MSRB3: variants seen among roughly 807,000 people sequenced by gnomAD.
The protein encoded by MSRB3 is methionine sulfoxide reductase B3.
In MSRB3, 13 loss-of-function variants were observed where a neutral mutation model predicts 21.0. That is an observed-to-expected ratio of 0.62 (90% CI 0.40 to 0.98). The LOEUF (loss-of-function observed/expected upper bound fraction) is 0.98. Ranked by LOEUF, MSRB3 falls within the 50% of genes least tolerant of loss-of-function variation. The pLI, the probability that MSRB3 is intolerant of heterozygous loss-of-function variation, is 0.00. For synonymous variants in MSRB3, 87 were observed against 88.6 expected (o/e 0.98, Z 0.10); for missense variants, 199 against 230.3 (o/e 0.86, Z 0.88).
rs568957907 is a variant in MSRB3, at chr12:65,385,588, A to G, written c.292+16562A>G. 2.0e-5 allele frequency among the ~76,000 whole-genome samples: 3 copies of G among 152,156 alleles called. No individual in the cohort carries two copies. The East Asian group carries it at 5.8e-4, about 29-fold the overall frequency. On this transcript the variant is annotated intron_variant, in intron 5 of 6. Coordinates refer to ENST00000308259, the MANE Select transcript of MSRB3 (RefSeq NM_001031679.3). Reference sequence around the variant, plus strand: ...ATTATTTCTAAATTTAAACTCCCACAAAATTAAATAAAATAGCTTTCTTTA... The same window carrying G: ...ATTATTTCTAAATTTAAACTCCCACGAAATTAAATAAAATAGCTTTCTTTA...
chr12:65,361,659 T>C (rs553585930), intron 4 of MSRB3, among the ~76,000 whole-genome samples: 1 of 152,342 alleles, frequency 6.6e-6, no homozygotes, highest in African/African-American at 2.4e-5. Flanking sequence ...TTATTCCTTC[T>C]TGATATTGGC....
chr12:65,360,803 C>T (rs1011018170), intron 4 of MSRB3, among the ~76,000 whole-genome samples: 1 of 152,168 alleles, frequency 6.6e-6, no homozygotes, highest in Non-Finnish European at 1.5e-5. Flanking sequence ...TCTTACTGCA[C>T]TATGCACTCA....
intron 5 of MSRB3, among the ~76,000 whole-genome samples, chr12:65,409,081 T>C (rs1880575496): frequency 6.6e-6 from 1 of 152,012 alleles, no homozygotes. Context: ...TTGCTCACAC[T>C]GAACCTCCAG....
chr12:65,326,983 C>G (rs749253196), intron 3 of MSRB3, 49 bp downstream of exon 3: 5 of 1,374,988 alleles, frequency 3.6e-6, no homozygotes, highest in East Asian at 2.3e-5. Context: ...TTTCTTCTCC[C>G]CCTGCCCTCT....
At chr12:65,331,248 G>T (rs951186543) in intron 4 of MSRB3, among the ~76,000 whole-genome samples, 1 of 152,198 alleles carries the variant, frequency 6.6e-6, no homozygotes, top group African/African-American at 2.4e-5. Flanking sequence ...ATTTTGAACA[G>T]TAAGGTTTAC....
intron 4 of MSRB3, among the ~76,000 whole-genome samples, chr12:65,367,781 A>G (rs888284692): frequency 1.3e-5 from 2 of 152,212 alleles, no homozygotes; most frequent in Non-Finnish European, 2.9e-5. Context: ...GGACTATGGT[A>G]GGGCCAGGAC....
chr12:65,335,856 C>T (rs1005103224), intron 4 of MSRB3, among the ~76,000 whole-genome samples: 11 of 152,132 alleles, frequency 7.2e-5, no homozygotes, highest in Non-Finnish European at 1.3e-4. Context: ...TAACCTCTAA[C>T]GAAGTACATT....
intron 1 of MSRB3, among the ~76,000 whole-genome samples, chr12:65,291,166 A>C (rs1479023752): frequency 6.6e-6 from 1 of 151,692 alleles, no homozygotes; most frequent in Non-Finnish European, 1.5e-5. Flanking sequence ...GCTCACTGCA[A>C]TCTTTGCCTC....
At chr12:65,459,114 AT>A (rs1883212641) in intron 6 of MSRB3, among the ~76,000 whole-genome samples, 1 of 59,770 alleles carries the variant, frequency 1.7e-5, no homozygotes, top group African/African-American at 4.7e-5. Flanking sequence ...TTTTTGTAAT[AT>A]TTTTTTAAGG....
At chr12:65,374,579 C>G (rs1163075555) in intron 5 of MSRB3, among the ~76,000 whole-genome samples, 1 of 152,166 alleles carries the variant, frequency 6.6e-6, no homozygotes, top group Non-Finnish European at 1.5e-5. Context: ...ATTCACCTTT[C>G]TTTACTGTAT....
At chr12:65,424,987 A>ATATC (rs1555212473) in intron 5 of MSRB3, among the ~76,000 whole-genome samples, 1 of 96 alleles carries the variant, frequency 0.01, no homozygotes, top group Non-Finnish European at 0.083. Flanking sequence ...ATATATATAT[A>ATATC]TATCTCAATA....
chr12:65,304,152 G>A (rs1873508083), intron 1 of MSRB3, among the ~76,000 whole-genome samples: 2 of 152,134 alleles, frequency 1.3e-5, no homozygotes, highest in African/African-American at 2.4e-5. Context: ...CAATTGAGAC[G>A]AAGTTAAGCA....
chr12:65,281,594 C>G (rs924100075), intron 1 of MSRB3: 2 of 152,230 alleles, frequency 1.3e-5, no homozygotes, highest in Non-Finnish European at 2.9e-5. Context: ...AAGCTTCTAT[C>G]ACTTTTTCTT....
chr12:65,370,902 T>A (rs1878279963), intron 5 of MSRB3, among the ~76,000 whole-genome samples: 1 of 152,250 alleles, frequency 6.6e-6, no homozygotes, highest in Non-Finnish European at 1.5e-5. Flanking sequence ...AGAATTCAGA[T>A]GTTTTCAAAT....
At chr12:65,407,620 A>G (rs959597378) in intron 5 of MSRB3, among the ~76,000 whole-genome samples, 4 of 152,116 alleles carry the variant, frequency 2.6e-5, no homozygotes, top group African/African-American at 9.7e-5. Flanking sequence ...ATCCTCAGCC[A>G]TTATTACTTT....
intron 4 of MSRB3, among the ~76,000 whole-genome samples, chr12:65,364,723 T>C (rs1877906894): frequency 6.6e-6 from 1 of 152,212 alleles, no homozygotes; most frequent in Non-Finnish European, 1.5e-5. Flanking sequence ...GAGGTGATCA[T>C]AGTTCATAGT....
chr12:65,290,234 A>G (rs1019186482), intron 1 of MSRB3, among the ~76,000 whole-genome samples: 2 of 152,170 alleles, frequency 1.3e-5, no homozygotes, highest in Admixed American at 6.5e-5. Flanking sequence ...AGTTTTATCA[A>G]GGAAGTACAA....
chr12:65,434,454 A>C (rs928978111), intron 5 of MSRB3, among the ~76,000 whole-genome samples: 1 of 151,968 alleles, frequency 6.6e-6, no homozygotes. Context: ...ATGAACTATC[A>C]CCAAGTAAGT....
At position 65,294,775 on chromosome 12, in the gene MSRB3, T is replaced by C. The variant is rs546009695; in HGVS notation, c.-51-13754T>C. Among the ~76,000 whole-genome samples, 16 of 152,310 alleles carry C rather than the reference T, an allele frequency of 1.1e-4. No homozygotes were observed. In the South Asian group the frequency reaches 3.3e-3, roughly 32 times the overall value. ...CTATAGTTTTATGTTCTTTTTGTGATTTTTTCCACCTTGGTTTTCAATCTT... is the reference window on the plus strand; with the variant it reads ...CTATAGTTTTATGTTCTTTTTGTGACTTTTTCCACCTTGGTTTTCAATCTT... On this transcript the variant is annotated intron_variant, in intron 1 of 6. Coordinates refer to ENST00000308259, the MANE Select transcript of MSRB3 (RefSeq NM_001031679.3).
Sources: allele counts gnomAD v4.1 joint callset (sites outside exome capture counted in the v4.1 genomes callset), GRCh38; gene constraint gnomAD v4.1.1; transcripts MANE v1.5; gene names NCBI Gene and HGNC (gene_info 2026-07-23, HGNC 2026-07-21).